Variants in CTIF observed in about 807,000 individuals in gnomAD.
CTIF encodes the protein cap binding complex dependent translation initiation factor.
Under a neutral mutation model 66.0 loss-of-function variants are expected in CTIF, and 21 were observed. The ratio of observed to expected loss-of-function variants is 0.32; its 90% CI spans 0.23 to 0.46. CTIF has a LOEUF of 0.46. Among genes scored for constraint, CTIF ranks in the 20% least tolerant of loss-of-function variants. The probability of loss-of-function intolerance (pLI) is 1.00; values close to 1 mark genes in which losing one functional copy is unlikely to be tolerated. For synonymous variants in CTIF, 345 were observed against 326.4 expected, an observed-to-expected ratio of 1.06 and a Z score of -0.62; for missense variants, 739 against 812.7, an observed-to-expected ratio of 0.91 and a Z score of 1.10.
intron 6 of CTIF, among the ~76,000 whole-genome samples, chr18:48,676,377 G>A (rs564558750): frequency 1.3e-5 from 2 of 152,350 alleles, no homozygotes; most frequent in Admixed American, 6.5e-5. Flanking sequence ...CAAACATTAT[G>A]TCTGCTGTCT....
At chr18:48,774,590 G>C (rs953611231) in intron 9 of CTIF, among the ~76,000 whole-genome samples, 9 of 152,134 alleles carry the variant, frequency 5.9e-5, no homozygotes, top group Non-Finnish European at 2.9e-5. Context: ...TTTGAAGTAT[G>C]AGGACAGGCA....
intron 3 of CTIF, among the ~76,000 whole-genome samples, chr18:48,656,187 G>T (rs954669793): frequency 3.9e-5 from 6 of 152,210 alleles, no homozygotes; most frequent in Non-Finnish European, 8.8e-5. Flanking sequence ...GCTTGCAGGG[G>T]AGGGATACGT....
At chr18:48,539,944 G>A (rs984449469) in intron 1 of CTIF, 5 of 152,360 alleles carry the variant, frequency 3.3e-5, no homozygotes, top group Admixed American at 2.0e-4. Context: ...CCCGGTGACT[G>A]ATTGTGTCTG....
chr18:48,660,451 T>C (rs532634261), intron 3 of CTIF, among the ~76,000 whole-genome samples: 5 of 152,250 alleles, frequency 3.3e-5, no homozygotes, highest in Non-Finnish European at 7.3e-5. Context: ...CTGTAAAGAA[T>C]AAACACATAC....
chr18:48,789,186 C>T (rs1404478641), intron 9 of CTIF, among the ~76,000 whole-genome samples: 1 of 152,160 alleles, frequency 6.6e-6, no homozygotes, highest in Admixed American at 6.5e-5. Context: ...AAATCATTTT[C>T]TTCGGGTTTA....
In CTIF at chr18:48,730,477, CCGCGGTGTGAGGGGCTT is replaced by C. The variant is rs1324939052; in HGVS notation, c.584+18784_584+18800del. Among the ~76,000 whole-genome samples the C allele has an allele frequency of 8.9e-4, 125 of 139,882 alleles. 12 individuals carry two copies. Among genetic ancestry groups the C allele is most frequent in the African/African-American group, 1.4e-3 (51 of 37,776 alleles). 91.8% of individuals were successfully genotyped at this position (139,882 alleles called of 152,430 possible). On this transcript the variant is annotated intron_variant, in intron 7 of 11. Coordinates refer to ENST00000256413, the MANE Select transcript of CTIF (RefSeq NM_014772.3). ...GGGGCTTCCGCGGTGTGAGGGGCTTCCGCGGTGTGAGGGGCTTCTGCGGTGTGAGGGGCTTCTGCGGT... is the reference window on the plus strand; with the variant it reads ...GGGGCTTCCGCGGTGTGAGGGGCTTCCTGCGGTGTGAGGGGCTTCTGCGGT...
chr18:48,619,551 C>G lies in CTIF; in HGVS notation c.-15C>G. On this transcript the variant is annotated 5_prime_UTR_variant, in exon 2 of 12. Transcript: ENST00000256413. ...CTTTCCCACCAGTCCCGGCCCAGGC[C>G]CCTGAGCTGGAGGGATGGAAAACTC... 8.0e-6 allele frequency: 12 copies of G among 1,507,608 alleles called. No homozygotes were observed. The highest frequency in any genetic ancestry group is 8.9e-6 in the Non-Finnish European group (10 of 1,126,864). 93.4% of individuals were successfully genotyped at this position (1,507,608 alleles called of 1,614,324 possible).
intron 2 of CTIF, among the ~76,000 whole-genome samples, chr18:48,626,684 TTGCTCTTG>T: frequency 7.3e-6 from 1 of 136,478 alleles, no homozygotes; most frequent in Middle Eastern, 4.0e-3. Context: ...AGACAAAGTT[TTGCTCTTG>T]TTGTCGAGGC....
Position 48,664,661 on chromosome 18 carries a change from G to A in CTIF, c.431+110G>A, listed in dbSNP as rs181142238. The A allele has an allele frequency of 2.7e-4, 226 of 844,112 alleles. 1 individual carries two copies. In the African/African-American group the frequency reaches 3.3e-3, roughly 12 times the overall value. 52.3% of individuals were successfully genotyped at this position (844,112 alleles called of 1,614,324 possible). Reference sequence around the variant, plus strand: ...TGCACAGGGGACTCAGGTGGCTGATGCCCCGGGATGCTCTTCTTATGCGTC... The same window carrying A: ...TGCACAGGGGACTCAGGTGGCTGATACCCCGGGATGCTCTTCTTATGCGTC... On this transcript the variant is annotated intron_variant, in intron 5 of 11. Transcript: ENST00000256413.
chr18:48,726,313 G>A (rs1022200497), intron 7 of CTIF, among the ~76,000 whole-genome samples: 3 of 152,162 alleles, frequency 2.0e-5, no homozygotes, highest in Non-Finnish European at 4.4e-5. Flanking sequence ...ATCTATTGCT[G>A]TGTAACAAAT....
intron 9 of CTIF, among the ~76,000 whole-genome samples, chr18:48,789,320 G>A (rs995497738): frequency 1.3e-5 from 2 of 151,874 alleles, no homozygotes; most frequent in Non-Finnish European, 2.9e-5. Flanking sequence ...CCAAGCCTCA[G>A]TTTCCTCACT....
intron 10 of CTIF, among the ~76,000 whole-genome samples, chr18:48,833,061 G>A (rs2068728749): frequency 6.6e-6 from 1 of 152,196 alleles, no homozygotes. Flanking sequence ...AAGAGGATGT[G>A]GTTTGGGCAA....
intron 6 of CTIF, among the ~76,000 whole-genome samples, chr18:48,694,415 G>A (rs188026518): frequency 8.3e-4 from 127 of 152,292 alleles, no homozygotes; most frequent in African/African-American, 2.9e-3. Context: ...GCCAGGAAGC[G>A]CCTAAAGACT....
At chr18:48,584,380 C>G (rs1463772488) in intron 1 of CTIF, among the ~76,000 whole-genome samples, 1 of 152,184 alleles carries the variant, frequency 6.6e-6, no homozygotes, top group Non-Finnish European at 1.5e-5. Flanking sequence ...ACTATTACTA[C>G]TGGAGGTCAG....
intron 5 of CTIF, among the ~76,000 whole-genome samples, chr18:48,665,946 G>C (rs1302107034): frequency 6.6e-6 from 1 of 152,072 alleles, no homozygotes; most frequent in Non-Finnish European, 1.5e-5. Flanking sequence ...TTGAGTCCTT[G>C]CTTGTAATTA....
intron 3 of CTIF, among the ~76,000 whole-genome samples, chr18:48,663,007 G>A (rs2144900202): frequency 6.6e-6 from 1 of 152,270 alleles, no homozygotes; most frequent in East Asian, 1.9e-4. Flanking sequence ...GCACATTTCT[G>A]TGTGTTTATA....
At chr18:48,851,024 C>A (rs1599164964) in intron 10 of CTIF, among the ~76,000 whole-genome samples, 2 of 152,260 alleles carry the variant, frequency 1.3e-5, no homozygotes, top group Non-Finnish European at 2.9e-5. Context: ...GGGCCTCTCG[C>A]ACAATGTGGT....
chr18:48,768,268 T>A (rs1384217888), intron 9 of CTIF, among the ~76,000 whole-genome samples: 2 of 152,136 alleles, frequency 1.3e-5, no homozygotes, highest in Non-Finnish European at 2.9e-5. Context: ...AGTTTTAAAC[T>A]CCTAGATGGC....
intron 1 of CTIF, among the ~76,000 whole-genome samples, chr18:48,559,149 A>G (rs1029208633): frequency 1.3e-5 from 2 of 152,206 alleles, no homozygotes; most frequent in Admixed American, 1.3e-4. Flanking sequence ...TCTTTTATCT[A>G]GATGGGGACT....
Sources: allele counts gnomAD v4.1 joint callset (sites outside exome capture counted in the v4.1 genomes callset), GRCh38; gene constraint gnomAD v4.1.1; transcripts MANE v1.5; gene names NCBI Gene and HGNC (gene_info 2026-07-23, HGNC 2026-07-21).